The following VDAC1 variants were observed in gnomAD, a reference collection of about 807,000 sequenced individuals.
VDAC1 encodes voltage dependent anion channel 1.
In VDAC1, 10 loss-of-function variants were observed where a neutral mutation model predicts 34.7. That is an observed-to-expected ratio of 0.29 (90% CI 0.18 to 0.49). The LOEUF is 0.49. VDAC1 is among the 20% of genes least tolerant of loss of function. The pLI, the probability that VDAC1 is intolerant of heterozygous loss-of-function variation, is 0.99. For synonymous variants in VDAC1, 130 were observed against 136.0 expected, an observed-to-expected ratio of 0.96 and a Z score of 0.30; for missense variants, 230 against 347.9, an observed-to-expected ratio of 0.66 and a Z score of 2.69.
chr5:134,114,270 C>T, the VDAC1 span, among the ~76,000 whole-genome samples: 1 of 152,112 alleles, frequency 6.6e-6, no homozygotes, highest in South Asian at 2.1e-4. Flanking sequence ...CCTCAAGCAG[C>T]CTCAAGCCCT....
the VDAC1 span, among the ~76,000 whole-genome samples, chr5:134,109,770 C>CAAAAAAAAAAAAAAAA: frequency 5.7e-5 from 8 of 140,276 alleles, no homozygotes; most frequent in African/African-American, 2.0e-4. Flanking sequence ...GGCTCCATCT[C>CAAAAAAAAAAAAAAAA]AAAAAAAAAA....
rs1203774581 is a variant in VDAC1, at chr5:133,980,021, TAAG to T, written c.551+705_551+707del. On this transcript the variant is annotated intron_variant, in intron 6 of 8. Coordinates refer to ENST00000265333, the MANE Select transcript of VDAC1 (RefSeq NM_003374.3). ...TAATATCACTGATTTGCCTTAAGTTTAAGAAGTTACTTCTTTAGTGACCTCTAG... is the reference window on the plus strand; with the variant it reads ...TAATATCACTGATTTGCCTTAAGTTTAAGTTACTTCTTTAGTGACCTCTAG... 2.0e-5 allele frequency among the ~76,000 whole-genome samples: 3 copies of T among 152,230 alleles called. 1 individual carries two copies. The highest frequency in any genetic ancestry group is 4.4e-5 in the Non-Finnish European group (3 of 68,048).
intron 8 of VDAC1, among the ~76,000 whole-genome samples, chr5:133,973,140 T>G (rs911953432): frequency 6.6e-6 from 1 of 152,214 alleles, no homozygotes; most frequent in African/African-American, 2.4e-5. Context: ...CTGGTACAAT[T>G]AGTCTATAGC....
the VDAC1 span, among the ~76,000 whole-genome samples, chr5:134,055,600 T>TG: frequency 2.9e-5 from 4 of 136,362 alleles, no homozygotes; most frequent in African/African-American, 1.1e-4. Flanking sequence ...TTTTTTTTTT[T>TG]TTTTTTTTTT....
chr5:133,988,504 T>C (rs1474861887), intron 5 of VDAC1, among the ~76,000 whole-genome samples: 1 of 151,704 alleles, frequency 6.6e-6, no homozygotes, highest in Non-Finnish European at 1.5e-5. Context: ...GAGAAACACA[T>C]GAATCTGCCC....
At chr5:134,102,173 G>A in the VDAC1 span, among the ~76,000 whole-genome samples, 1 of 152,032 alleles carries the variant, frequency 6.6e-6, no homozygotes, top group Non-Finnish European at 1.5e-5. Flanking sequence ...ACCAGGGGGG[G>A]TCTGTGAGCA....
In VDAC1 at chr5:133,991,038, G is replaced by C. The variant is rs775699679; in HGVS notation, c.234C>G (p.Asp78Glu). Residue 78 changes from aspartate (D) to glutamate (E), a missense_variant, in exon 4 of 9, where the codon GAC (aspartate) becomes GAG (glutamate). Transcript: ENST00000265333. ...GLTFTEKWNT[D>E]NTLGTEITVE... ...CAGTAATCTCGGTGCCTAGTGTATT[G>C]TCGGTATTCCATTTCTCTGTAAACG... 3 of 1,614,134 alleles carry C rather than the reference G, an allele frequency of 1.9e-6. No individual in the cohort carries two copies. The highest frequency in any genetic ancestry group is 1.7e-5 in the Admixed American group (1 of 60,024).
At chr5:134,009,544 A>C (rs1330990729), upstream of VDAC1, among the ~76,000 whole-genome samples, 1 of 152,026 alleles carries the variant, frequency 6.6e-6, no homozygotes, top group East Asian at 1.9e-4. Flanking sequence ...GGTGTGAGCC[A>C]CTGCACCCAG....
intron 1 of VDAC1, among the ~76,000 whole-genome samples, chr5:133,999,139 T>G (rs537393958): frequency 6.6e-6 from 1 of 152,198 alleles, no homozygotes; most frequent in Non-Finnish European, 1.5e-5. Flanking sequence ...AGTGAGACCC[T>G]GTCTCTTTTA....
chr5:134,027,125 C>T, the VDAC1 span, among the ~76,000 whole-genome samples: 1 of 152,144 alleles, frequency 6.6e-6, no homozygotes, highest in Admixed American at 6.5e-5. Flanking sequence ...GCCCCAACCC[C>T]GCCCTATAAA....
chr5:134,110,995 A>C, the VDAC1 span, among the ~76,000 whole-genome samples: 2 of 152,218 alleles, frequency 1.3e-5, no homozygotes, highest in African/African-American at 4.8e-5. Context: ...GTTCAAGAGC[A>C]CCCATTAGAC....
chr5:134,082,492 T>C, the VDAC1 span, among the ~76,000 whole-genome samples: 1 of 152,260 alleles, frequency 6.6e-6, no homozygotes, highest in South Asian at 2.1e-4. Context: ...TATGGTTGTT[T>C]CTAGCTTTGG....
chr5:133,976,637 GTC>G (rs1245480028), intron 6 of VDAC1, among the ~76,000 whole-genome samples: 7 of 150,688 alleles, frequency 4.6e-5, no homozygotes, highest in Non-Finnish European at 1.0e-4. Flanking sequence ...GCGAGATCCT[GTC>G]TCTATAAGGA....
chr5:134,086,303 T>C, the VDAC1 span, among the ~76,000 whole-genome samples: 1 of 152,240 alleles, frequency 6.6e-6, no homozygotes, highest in African/African-American at 2.4e-5. Flanking sequence ...ACACAGGGCC[T>C]GTTCCTACTG....
chr5:133,980,981 G>A (rs2126923596), intron 5 of VDAC1, 25 bp from the exon 6 acceptor site: 1 of 1,576,304 alleles, frequency 6.3e-7, no homozygotes, highest in Non-Finnish European at 8.7e-7. Flanking sequence ...GTTATATTAA[G>A]ATCAGAAGCT....
chr5:134,026,515 A>C, the VDAC1 span, among the ~76,000 whole-genome samples: 1 of 97,506 alleles, frequency 1.0e-5, no homozygotes, highest in Non-Finnish European at 2.1e-5. Context: ...ACTCCGTCTC[A>C]GAAAAAAAAA....
chr5:134,014,782 C>T, the VDAC1 span, among the ~76,000 whole-genome samples: 4 of 152,174 alleles, frequency 2.6e-5, no homozygotes, highest in African/African-American at 7.2e-5. Flanking sequence ...AGGAGAATCG[C>T]TTGAACCTGG....
chr5:133,995,457 G>A (rs968222784), intron 1 of VDAC1, among the ~76,000 whole-genome samples: 1 of 152,116 alleles, frequency 6.6e-6, no homozygotes, highest in Admixed American at 6.5e-5. Context: ...GGGCCCCCAA[G>A]TAAGCATTCT....
At chr5:133,983,854 C>T (rs774054201) in intron 5 of VDAC1, among the ~76,000 whole-genome samples, 9 of 149,886 alleles carry the variant, frequency 6.0e-5, no homozygotes, top group Non-Finnish European at 8.9e-5. Flanking sequence ...TGGTTGTTTG[C>T]GTGTGGCACC....
Sources: gnomAD v4.1 joint callset for allele counts (sites outside exome capture counted in the v4.1 genomes callset) on GRCh38, gnomAD v4.1.1 for gene constraint, MANE v1.5 for transcripts, NCBI Gene and HGNC (gene_info 2026-07-23, HGNC 2026-07-21) for gene names.